Variants in GPALPP1 observed in about 807,000 individuals in gnomAD.
The protein encoded by GPALPP1 is GPALPP motifs-containing protein 1.
In GPALPP1, 30 loss-of-function variants were observed where a neutral mutation model predicts 38.9. The ratio of observed to expected loss-of-function variants is 0.77; its 90% CI spans 0.58 to 1.05. The LOEUF (loss-of-function observed/expected upper bound fraction) is 1.05, where lower values mean the gene tolerates loss of function less well. Ranked by LOEUF, GPALPP1 falls within the 50% of genes least tolerant of loss-of-function variation. The pLI, the probability that GPALPP1 is intolerant of heterozygous loss-of-function variation, is 0.00. For missense variants in GPALPP1, 384 were observed against 408.8 expected (o/e 0.94, Z 0.52); for synonymous variants, 120 against 139.2 (o/e 0.86, Z 0.97).
At position 45,028,434 on chromosome 13, in the gene GPALPP1, T is replaced by C. The variant is rs1875994928; in HGVS notation, c.*431T>C. The C allele has an allele frequency of 6.5e-6, 1 of 154,758 alleles. No homozygotes were observed. Among genetic ancestry groups the C allele is most frequent in the Non-Finnish European group, 1.4e-5 (1 of 70,184 alleles). The allele number at this position is 154,758 out of a possible 1,614,324, so 9.6% of individuals were successfully genotyped here. A position where few individuals can be genotyped will look rare whatever the true frequency, so the allele number is the denominator to read the frequency against. ...TCAAAACTATTCCAATATTCATCCA[T>C]AGCCCAATCTGACAAGGGTTCAGAA... On this transcript the variant is annotated 3_prime_UTR_variant, in exon 8 of 8. Coordinates refer to ENST00000379151, the MANE Select transcript of GPALPP1 (RefSeq NM_018559.5).
chr13:45,008,391 A>G (rs1354877833), intron 3 of GPALPP1, among the ~76,000 whole-genome samples: 2 of 152,220 alleles, frequency 1.3e-5, no homozygotes, highest in Admixed American at 1.3e-4. Context: ...CCCCTAAGGT[A>G]TCTTTCACGG....
At chr13:45,026,929 T>A (rs1409086811) in intron 7 of GPALPP1, among the ~76,000 whole-genome samples, 1 of 152,198 alleles carries the variant, frequency 6.6e-6, no homozygotes, top group Non-Finnish European at 1.5e-5. Flanking sequence ...GAAAGGGCTA[T>A]AATGAAAGGG....
At chr13:45,006,121 C>A in intron 2 of GPALPP1, 81 bp from the exon 3 acceptor site, 2 of 740,368 alleles carry the variant, frequency 2.7e-6, no homozygotes, top group South Asian at 1.9e-5. Flanking sequence ...AGATTTAATG[C>A]TTTTTTAAAA....
intron 6 of GPALPP1, among the ~76,000 whole-genome samples, chr13:45,018,419 C>G (rs1159753499): frequency 6.6e-6 from 1 of 151,212 alleles, no homozygotes; most frequent in Non-Finnish European, 1.5e-5. Flanking sequence ...AAAGATTGCT[C>G]TTTAGAAAGT....
rs71070953 is a variant in GPALPP1, at chr13:45,019,010, TATATATACACATATAA to T, written c.706-1310_706-1295del. The stretch of plus-strand genomic sequence containing the variant: ...ACATATAAATATATATACATATAAA[TATATATACACATATAA>T]ATATATACATAGAAATATATAAATA... On this transcript the variant is annotated intron_variant, in intron 6 of 7. Coordinates refer to ENST00000379151, the MANE Select transcript of GPALPP1 (RefSeq NM_018559.5). Among the ~76,000 whole-genome samples, 120 of 61,230 alleles carry T rather than the reference TATATATACACATATAA, an allele frequency of 2.0e-3. 10 individuals are homozygous for T. The Middle Eastern group carries it at 0.045, about 23-fold the overall frequency. 40.2% of individuals were successfully genotyped at this position (61,230 alleles called of 152,430 possible). A position where few individuals can be genotyped will look rare whatever the true frequency, so the allele number is the denominator to read the frequency against.
At chr13:45,015,972 C>T (rs1874838543) in intron 6 of GPALPP1, among the ~76,000 whole-genome samples, 1 of 151,950 alleles carries the variant, frequency 6.6e-6, no homozygotes, top group Non-Finnish European at 1.5e-5. Flanking sequence ...TCTTTTTACA[C>T]CATACTATCT....
intron 4 of GPALPP1, among the ~76,000 whole-genome samples, chr13:45,009,329 A>G (rs1193943111): frequency 1.3e-5 from 2 of 152,230 alleles, no homozygotes; most frequent in African/African-American, 4.8e-5. Flanking sequence ...GATTTTAGGA[A>G]AAGATAGACC....
At chr13:45,032,262 C>T (rs1269255222), downstream of GPALPP1, among the ~76,000 whole-genome samples, 4 of 149,694 alleles carry the variant, frequency 2.7e-5, no homozygotes, top group African/African-American at 7.4e-5. Flanking sequence ...AAGTCTTGCT[C>T]TAAAAAAAAA....
chr13:45,036,749 C>T (rs950697982), exon 8 of GPALPP1: 1 of 152,092 alleles, frequency 6.6e-6, no homozygotes, highest in Non-Finnish European at 1.5e-5. Context: ...AGTTCAAGAC[C>T]AACCTGGGCA....
intron 1 of GPALPP1, among the ~76,000 whole-genome samples, chr13:44,998,995 T>C (rs948274424): frequency 1.3e-5 from 2 of 152,174 alleles, no homozygotes; most frequent in African/African-American, 2.4e-5. Context: ...TGACTGTAGG[T>C]CAGTAGGCAA....
chr13:45,014,835 G>C, intron 4 of GPALPP1, 117 bp from the exon 5 acceptor site: 1 of 830,102 alleles, frequency 1.2e-6, no homozygotes, highest in South Asian at 2.3e-5. Flanking sequence ...GCAATACATT[G>C]TTTACTTTTT....
At chr13:45,032,128 T>C (rs1159110768), downstream of GPALPP1, 1 of 152,206 alleles carries the variant, frequency 6.6e-6, no homozygotes, top group East Asian at 1.9e-4. Flanking sequence ...GGTGGGGTTA[T>C]TGGGTTTAGC....
At chr13:45,017,367 T>C (rs1874951772) in intron 6 of GPALPP1, among the ~76,000 whole-genome samples, 1 of 152,000 alleles carries the variant, frequency 6.6e-6, no homozygotes, top group African/African-American at 2.4e-5. Flanking sequence ...AATAGGAAGG[T>C]GAGGTGAACC....
At chr13:45,007,153 C>T (rs1376998293) in intron 3 of GPALPP1, among the ~76,000 whole-genome samples, 4 of 151,954 alleles carry the variant, frequency 2.6e-5, no homozygotes, top group African/African-American at 9.7e-5. Context: ...AAAACAAAGA[C>T]AGATATGCCA....
chr13:44,995,202 A>ACACACACACACACACACACACAC (rs755761092), intron 1 of GPALPP1, among the ~76,000 whole-genome samples: 1 of 54,474 alleles, frequency 1.8e-5, no homozygotes, highest in African/African-American at 3.7e-5. Context: ...ACACACACAC[A>ACACACACACACACACACACACAC]CCCCTTCTCT....
chr13:45,019,038 GAAATATATAAATAT>G (rs1292219896), intron 6 of GPALPP1, among the ~76,000 whole-genome samples: 3 of 9,372 alleles, frequency 3.2e-4, no homozygotes, highest in South Asian at 3.1e-3. Context: ...TATATACATA[GAAATATATAAATAT>G]AAATATATAC....
In GPALPP1 at chr13:45,019,050, T is replaced by C. The variant is rs1198036732; in HGVS notation, c.706-1280T>C. 4.0e-5 allele frequency among the ~76,000 whole-genome samples: 2 copies of C among 49,594 alleles called. 1 individual carries two copies. Among genetic ancestry groups the C allele is most frequent in the East Asian group, 1.5e-3 (2 of 1,302 alleles). The allele number at this position is 49,594 out of a possible 152,430, so 32.5% of individuals were successfully genotyped here. A position where few individuals can be genotyped will look rare whatever the true frequency, so the allele number is the denominator to read the frequency against. On this transcript the variant is annotated intron_variant, in intron 6 of 7. Transcript: ENST00000379151. ...AAATATATACATAGAAATATATAAA[T>C]ATAAATATATACATATAAATATATA... is the stretch of plus-strand genomic sequence containing the variant.
At chr13:45,034,500 C>T (rs772907061), downstream of GPALPP1, 1 of 152,054 alleles carries the variant, frequency 6.6e-6, no homozygotes, top group Non-Finnish European at 1.5e-5. Context: ...GAAAAGCTAG[C>T]AGTGTGAAAA....
At chr13:45,002,048 A>G (rs1873724747) in intron 1 of GPALPP1, 1 of 152,352 alleles carries the variant, frequency 6.6e-6, no homozygotes, top group Non-Finnish European at 1.5e-5. Context: ...TATTGTCCAC[A>G]AGCTGACAGT....
Sources: gnomAD v4.1 joint callset for allele counts (sites outside exome capture counted in the v4.1 genomes callset) on GRCh38, gnomAD v4.1.1 for gene constraint, MANE v1.5 for transcripts, NCBI Gene and HGNC (gene_info 2026-07-23, HGNC 2026-07-21) for gene names.